Variants in ABTB2 observed in about 807,000 individuals in gnomAD.
ABTB2 encodes ankyrin repeat and BTB domain containing 2.
In ABTB2, 56 loss-of-function variants were observed where a neutral mutation model predicts 104.1. The observed-to-expected ratio is 0.54, with a 90% CI of 0.43 to 0.67. The LOEUF (loss-of-function observed/expected upper bound fraction) is 0.67. ABTB2 is among the 30% of genes least tolerant of loss of function. The pLI is 0.00. For synonymous variants in ABTB2, 606 were observed against 608.2 expected, an observed-to-expected ratio of 1.00 and a Z score of 0.05; for missense variants, 1,279 against 1,407.7, an observed-to-expected ratio of 0.91 and a Z score of 1.46.
intron 1 of ABTB2, among the ~76,000 whole-genome samples, chr11:34,323,906 CTTTTTTTTTTTTTT>C (rs56375939): frequency 1.6e-5 from 1 of 63,878 alleles, no homozygotes; most frequent in South Asian, 7.9e-4. Flanking sequence ...TAAATTCCCT[CTTTTTTTTTTTTTT>C]TTTTTTTTTT....
intron 1 of ABTB2, among the ~76,000 whole-genome samples, chr11:34,255,477 G>A (rs1468536287): frequency 6.6e-6 from 1 of 152,068 alleles, no homozygotes; most frequent in Non-Finnish European, 1.5e-5. Context: ...TTAGAAAAGT[G>A]AGTCAGAAAT....
chr11:34,348,252 G>A (rs1564938433), intron 1 of ABTB2, among the ~76,000 whole-genome samples: 1 of 152,142 alleles, frequency 6.6e-6, no homozygotes, highest in Non-Finnish European at 1.5e-5. Flanking sequence ...CTGGGGCCAT[G>A]GTTAAGATGA....
intron 1 of ABTB2, among the ~76,000 whole-genome samples, chr11:34,351,868 G>A (rs1405402905): frequency 5.9e-5 from 9 of 152,126 alleles, no homozygotes; most frequent in Admixed American, 5.9e-4. Flanking sequence ...GTAGGAGGAA[G>A]TGGAACAACT....
chr11:34,331,395 C>A (rs1297994814), intron 1 of ABTB2, among the ~76,000 whole-genome samples: 1 of 152,170 alleles, frequency 6.6e-6, no homozygotes, highest in African/African-American at 2.4e-5. Context: ...TGCAATACTC[C>A]TTCAGGAAAA....
chr11:34,304,573 A>T (rs567753529), intron 1 of ABTB2, among the ~76,000 whole-genome samples: 2 of 152,318 alleles, frequency 1.3e-5, no homozygotes, highest in South Asian at 4.1e-4. Flanking sequence ...GTAATCCAAC[A>T]CTTCAGGAAG....
intron 1 of ABTB2, among the ~76,000 whole-genome samples, chr11:34,350,005 G>A (rs1855379004): frequency 6.6e-6 from 1 of 152,178 alleles, no homozygotes; most frequent in South Asian, 2.1e-4. Context: ...CACTGAGTAT[G>A]CATAAGGCAC....
intron 1 of ABTB2, among the ~76,000 whole-genome samples, chr11:34,309,173 T>A (rs1282903401): frequency 6.6e-6 from 1 of 152,192 alleles, no homozygotes; most frequent in Non-Finnish European, 1.5e-5. Flanking sequence ...CACATGGACG[T>A]GTGTTTTTTT....
chr11:34,357,213 G>A lies in ABTB2; in HGVS notation c.371C>T (p.Ala124Val), dbSNP rs1235433978. The A allele has an allele frequency of 1.3e-6, 2 of 1,508,862 alleles. No individual in the cohort carries two copies. The highest frequency in any genetic ancestry group is 1.8e-6 in the Non-Finnish European group (2 of 1,136,146). 93.5% of individuals were successfully genotyped at this position (1,508,862 alleles called of 1,614,324 possible). A position where few individuals can be genotyped will look rare whatever the true frequency, so the allele number is the denominator to read the frequency against. The change falls in exon 1 of 17, where the codon GCG becomes GTG. Residue 124 changes from alanine (A) to valine (V), a missense_variant. Coordinates refer to ENST00000435224, the MANE Select transcript of ABTB2 (RefSeq NM_145804.3). ...GAGCAGCCCGGCCAGGCGCCTCACCGCCTCGGCGGAGAACTGGGGCAGCCG... is the reference window on the plus strand; with the variant it reads ...GAGCAGCCCGGCCAGGCGCCTCACCACCTCGGCGGAGAACTGGGGCAGCCG... ...GRRLPQFSAEAVRRLAGLLRR... is the reference protein window; with the variant it reads ...GRRLPQFSAEVVRRLAGLLRR...
In ABTB2 at chr11:34,154,716, G is replaced by A. The variant is rs563618785; in HGVS notation, c.2751C>T (p.Thr917=). 6.2e-7 allele frequency: 1 copy of A among 1,614,176 alleles called. No homozygotes were observed. The highest frequency in any genetic ancestry group is 1.3e-5 in the African/African-American group (1 of 75,056). The change falls in exon 15 of 17, where the codon ACC becomes ACT. Residue 917 remains threonine (T), a synonymous_variant. Coordinates refer to ENST00000435224, the MANE Select transcript of ABTB2 (RefSeq NM_145804.3). The surrounding 1 kb of genome is among the most constrained non-coding windows in gnomAD (Gnocchi z 4.9). ...YGGTESMEIP[T]TDILELLSAA... is the part of the protein sequence containing the mutation. ...CGAGTCTCACCTCCAGGATGTCAGT[G>A]GTGGGGATCTCCATGGATTCTGTTC...
At chr11:34,152,640 C>G in intron 16 of ABTB2, 56 bp from the exon 17 acceptor site, 2 of 1,511,234 alleles carry the variant, frequency 1.3e-6, no homozygotes, top group Non-Finnish European at 1.8e-6. Flanking sequence ...GCCCCACTCA[C>G]CCTCACCCCC....
chr11:34,229,296 C>G (rs553372170), intron 1 of ABTB2, among the ~76,000 whole-genome samples: 5 of 151,564 alleles, frequency 3.3e-5, no homozygotes, highest in South Asian at 2.1e-4. Flanking sequence ...TCCTGGCTAA[C>G]ACGATGAAAC....
At chr11:34,197,251 C>T (rs1853269602) in intron 3 of ABTB2, 74 bp downstream of exon 3, 1 of 1,504,864 alleles carries the variant, frequency 6.6e-7, no homozygotes, top group Non-Finnish European at 9.2e-7. Flanking sequence ...AGTCGTCAGT[C>T]AGTGTCAGTC....
chr11:34,165,782 G>A (rs998287316), intron 7 of ABTB2, among the ~76,000 whole-genome samples: 1 of 152,256 alleles, frequency 6.6e-6, no homozygotes, highest in Non-Finnish European at 1.5e-5. Context: ...TGGCCAATGA[G>A]TAACCCCGAG....
chr11:34,168,103 G>T, intron 5 of ABTB2, 111 bp from the exon 6 acceptor site: 2 of 1,083,402 alleles, frequency 1.8e-6, no homozygotes, highest in Non-Finnish European at 2.7e-6. Flanking sequence ...CACCCCAGCC[G>T]AGCATCCTGT....
intron 1 of ABTB2, among the ~76,000 whole-genome samples, chr11:34,267,083 A>G (rs994158805): frequency 6.6e-6 from 1 of 152,162 alleles, no homozygotes; most frequent in Non-Finnish European, 1.5e-5. Context: ...CTCAATGTAA[A>G]TGGACTCTGT....
rs765114173 is a variant in ABTB2, at chr11:34,356,985, C to G, written c.599G>C (p.Arg200Pro). 22 of 1,589,818 alleles carry G rather than the reference C, an allele frequency of 1.4e-5. No homozygotes were observed. The South Asian group carries it at 2.3e-4, about 16-fold the overall frequency. Reference sequence around the variant, plus strand: ...ACCCACTGAGAAGGTGAGGCCGCAGCGCGCGGACTTGCCCCGGCGCAGCCC... The same window carrying G: ...ACCCACTGAGAAGGTGAGGCCGCAGGGCGCGGACTTGCCCCGGCGCAGCCC... ...GDGLRRGKSA[R>P]CGLTFSVGRF... The change falls in exon 1 of 17, where the codon CGC becomes CCC. Residue 200 changes from arginine to proline, a missense_variant. By Grantham distance (103) the Arg-to-Pro change is moderately radical. Coordinates refer to ENST00000435224, the MANE Select transcript of ABTB2 (RefSeq NM_145804.3). The surrounding 1 kb of genome is among the most constrained non-coding windows in gnomAD (Gnocchi z 4.6).
intron 14 of ABTB2, among the ~76,000 whole-genome samples, chr11:34,156,584 C>T (rs1404192124): frequency 3.3e-5 from 5 of 150,432 alleles, no homozygotes; most frequent in East Asian, 2.0e-4. Flanking sequence ...AGTGCAGTGG[C>T]GCAATCTCGG....
At chr11:34,210,472 G>T (rs1853468073) in intron 1 of ABTB2, among the ~76,000 whole-genome samples, 1 of 152,152 alleles carries the variant, frequency 6.6e-6, no homozygotes, top group Non-Finnish European at 1.5e-5. Context: ...ATGTAAAAAA[G>T]ATGTCCTTTC....
At chr11:34,298,070 G>A (rs1370951535) in intron 1 of ABTB2, among the ~76,000 whole-genome samples, 6 of 150,634 alleles carry the variant, frequency 4.0e-5, no homozygotes, top group African/African-American at 1.5e-4. Flanking sequence ...CCTGAAATGT[G>A]AGAAATAAAT....
Sources: allele counts gnomAD v4.1 joint callset (sites outside exome capture counted in the v4.1 genomes callset), GRCh38; gene constraint gnomAD v4.1.1; non-coding constraint Gnocchi (gnomAD v3.1); transcripts MANE v1.5; gene names NCBI Gene and HGNC (gene_info 2026-07-23, HGNC 2026-07-21).